VTI1A: variants seen among roughly 807,000 people sequenced by gnomAD.
VTI1A encodes the protein vesicle transport through interaction with t-SNAREs homolog 1A.
In VTI1A, 22 loss-of-function variants were observed where a neutral mutation model predicts 34.9. The ratio of observed to expected loss-of-function variants is 0.63; its 90% CI spans 0.45 to 0.90. The LOEUF (loss-of-function observed/expected upper bound fraction) is 0.90, where lower values mean the gene tolerates loss of function less well. Among genes scored for constraint, VTI1A ranks in the 40% least tolerant of loss-of-function variants. The pLI, the probability that VTI1A is intolerant of heterozygous loss-of-function variation, is 0.00. For missense variants in VTI1A, 268 were observed against 275.6 expected, an observed-to-expected ratio of 0.97 and a Z score of 0.20; for synonymous variants, 87 against 97.3, an observed-to-expected ratio of 0.89 and a Z score of 0.62.
chr10:112,451,853 A>G (rs1847252549), intron 1 of VTI1A, among the ~76,000 whole-genome samples: 1 of 152,228 alleles, frequency 6.6e-6, no homozygotes, highest in African/African-American at 2.4e-5. Context: ...TTAGAGCTGT[A>G]ATATCTACGT....
chr10:112,471,367 AT>A (rs576549183), intron 3 of VTI1A, among the ~76,000 whole-genome samples: 6,496 of 94,370 alleles, frequency 0.069, 126 homozygotes, highest in African/African-American at 0.12. Context: ...ATTCTTATTG[AT>A]TTTTTTTTTT....
intron 3 of VTI1A, among the ~76,000 whole-genome samples, chr10:112,520,870 T>A (rs903421472): frequency 2.0e-5 from 3 of 151,834 alleles, no homozygotes; most frequent in African/African-American, 7.3e-5. Flanking sequence ...AAGACAAAAT[T>A]TTTTAAAACT....
In VTI1A at chr10:112,699,554, C is replaced by T. The variant is rs1481228092; in HGVS notation, c.560+30556C>T. On this transcript the variant is annotated intron_variant, in intron 7 of 7. Transcript: ENST00000393077. ...TCCTTGTCAGAACACTGGGAGGAGC[C>T]GGGCATGGTGGCTCACGCCTATAAT... Among the ~76,000 whole-genome samples the T allele has an allele frequency of 3.3e-5, 5 of 152,148 alleles. No homozygotes were observed. The East Asian group carries it at 9.6e-4, about 29-fold the overall frequency.
chr10:112,763,815 A>T (rs1232022861), intron 7 of VTI1A, among the ~76,000 whole-genome samples: 1 of 151,958 alleles, frequency 6.6e-6, no homozygotes, highest in East Asian at 1.9e-4. Context: ...CTCTAGCCTC[A>T]CCCTTTTTCT....
At chr10:112,583,126 G>C (rs894087889) in intron 5 of VTI1A, among the ~76,000 whole-genome samples, 1 of 152,194 alleles carries the variant, frequency 6.6e-6, no homozygotes, top group Non-Finnish European at 1.5e-5. Context: ...AAAAGGATAA[G>C]CGATGATCAA....
chr10:112,755,134 A>C (rs1851236433), intron 7 of VTI1A, among the ~76,000 whole-genome samples: 2 of 152,170 alleles, frequency 1.3e-5, no homozygotes, highest in Non-Finnish European at 1.5e-5. Context: ...ACACGCCTGT[A>C]ATCCCAGCTA....
At chr10:112,702,559 A>G (rs1046313941) in intron 7 of VTI1A, among the ~76,000 whole-genome samples, 2 of 151,718 alleles carry the variant, frequency 1.3e-5, no homozygotes, top group African/African-American at 4.8e-5. Flanking sequence ...AGCTGGGATT[A>G]CAGGCGTGTG....
At chr10:112,492,281 G>A (rs1201284439) in intron 3 of VTI1A, among the ~76,000 whole-genome samples, 1 of 152,076 alleles carries the variant, frequency 6.6e-6, no homozygotes, top group Non-Finnish European at 1.5e-5. Flanking sequence ...AGATATTTGT[G>A]GACACTCTGA....
chr10:112,736,103 G>A (rs1422701325), intron 7 of VTI1A, among the ~76,000 whole-genome samples: 5 of 110,682 alleles, frequency 4.5e-5, no homozygotes, highest in African/African-American at 5.1e-5. Flanking sequence ...ACATATATAT[G>A]TGTGTGTGTA....
At chr10:112,845,540 G>A in the VTI1A span, among the ~76,000 whole-genome samples, 1 of 152,232 alleles carries the variant, frequency 6.6e-6, no homozygotes, top group Non-Finnish European at 1.5e-5. Context: ...TCCCCGGGAG[G>A]AAAAGTAACC....
chr10:112,823,553 G>A (rs1294410383), downstream of VTI1A: 1 of 152,182 alleles, frequency 6.6e-6, no homozygotes, highest in African/African-American at 2.4e-5. Flanking sequence ...TGCGGAAAGG[G>A]GAAAATAGAA....
Position 112,659,919 on chromosome 10 carries a change from TGTTG to T in VTI1A, c.428-8297_428-8294del, listed in dbSNP as rs569196912. On this transcript the variant is annotated intron_variant, in intron 5 of 7. Coordinates refer to ENST00000393077, the MANE Select transcript of VTI1A (RefSeq NM_145206.4). ...GAGGCTACTGTATGAAGCAGTCTAA[TGTTG>T]GGGACTTAGGCAAAATGGAAACAAT... Among the ~76,000 whole-genome samples, 503 of 152,382 alleles carry T rather than the reference TGTTG, an allele frequency of 3.3e-3. 3 individuals carry two copies. The highest frequency in any genetic ancestry group is 0.011 in the African/African-American group (441 of 41,590).
At chr10:112,731,639 CAGTT>C (rs1850267414) in intron 7 of VTI1A, among the ~76,000 whole-genome samples, 1 of 151,112 alleles carries the variant, frequency 6.6e-6, no homozygotes, top group African/African-American at 2.4e-5. Flanking sequence ...GAAGATTACT[CAGTT>C]AAGTATATGA....
chr10:112,778,201 T>C (rs1208919422), intron 7 of VTI1A, among the ~76,000 whole-genome samples: 3 of 152,210 alleles, frequency 2.0e-5, no homozygotes. Flanking sequence ...GATCTATGAG[T>C]TGGAATTACC....
intron 5 of VTI1A, among the ~76,000 whole-genome samples, chr10:112,647,128 A>G (rs1044046502): frequency 1.3e-5 from 2 of 152,200 alleles, no homozygotes; most frequent in Non-Finnish European, 2.9e-5. Context: ...ATGAGTGGAG[A>G]GCCCATGGGA....
Position 112,807,430 on chromosome 10 carries a change from A to G in VTI1A, c.561-7860A>G, listed in dbSNP as rs1451870100. On this transcript the variant is annotated intron_variant, in intron 7 of 7. Transcript: ENST00000393077. Reference sequence around the variant, plus strand: ...CTCTTGCAGCTTCTGGTGGCCCAACATTCCTTGGCATGTGGCAACATCATT... The same window carrying G: ...CTCTTGCAGCTTCTGGTGGCCCAACGTTCCTTGGCATGTGGCAACATCATT... Among the ~76,000 whole-genome samples the G allele has an allele frequency of 2.6e-5, 4 of 152,150 alleles. No individual in the cohort carries two copies. The East Asian group carries it at 5.8e-4, about 22-fold the overall frequency.
At chr10:112,694,394 A>C (rs1411130526) in intron 7 of VTI1A, among the ~76,000 whole-genome samples, 3 of 151,872 alleles carry the variant, frequency 2.0e-5, no homozygotes, top group African/African-American at 4.8e-5. Context: ...GGGTGGATGG[A>C]TGGATGGATG....
intron 5 of VTI1A, among the ~76,000 whole-genome samples, chr10:112,625,637 T>C (rs377129471): frequency 2.9e-4 from 3 of 10,526 alleles, no homozygotes; most frequent in East Asian, 2.4e-3. Context: ...TGAAACTCTG[T>C]CTCAAAAAAA....
intron 7 of VTI1A, among the ~76,000 whole-genome samples, chr10:112,812,071 C>G (rs565469401): frequency 1.1e-4 from 17 of 152,338 alleles, no homozygotes; most frequent in Admixed American, 8.5e-4. Context: ...CTTGATGTTT[C>G]GGGCCCACAT....
Sources: gnomAD v4.1 joint callset for allele counts (sites outside exome capture counted in the v4.1 genomes callset) on GRCh38, gnomAD v4.1.1 for gene constraint, MANE v1.5 for transcripts, NCBI Gene and HGNC (gene_info 2026-07-23, HGNC 2026-07-21) for gene names.